PTPRM: variants seen among roughly 807,000 people sequenced by gnomAD.
The protein encoded by PTPRM is protein tyrosine phosphatase receptor type M.
In PTPRM, 47 loss-of-function variants were observed where a neutral mutation model predicts 186.7. That is an observed-to-expected ratio of 0.25 (90% CI 0.20 to 0.32). The LOEUF (loss-of-function observed/expected upper bound fraction) is 0.32. PTPRM is among the 10% of genes least tolerant of loss of function. PTPRM has a pLI of 1.00. For synonymous variants in PTPRM, 668 were observed against 674.9 expected (o/e 0.99, Z 0.16); for missense variants, 1,494 against 1,865.0 (o/e 0.80, Z 3.66).
At chr18:7,671,755 T>G (rs1454528912) in intron 1 of PTPRM, among the ~76,000 whole-genome samples, 1 of 152,150 alleles carries the variant, frequency 6.6e-6, no homozygotes, top group Non-Finnish European at 1.5e-5. Context: ...GCCAGAGTTT[T>G]TAAATTAAAA....
At chr18:8,028,369 T>A (rs2085710061) in intron 7 of PTPRM, among the ~76,000 whole-genome samples, 1 of 152,170 alleles carries the variant, frequency 6.6e-6, no homozygotes, top group Non-Finnish European at 1.5e-5. Flanking sequence ...GGTATGTAGA[T>A]CCCTAATCTG....
chr18:7,572,085 G>T (rs530572972), intron 1 of PTPRM, among the ~76,000 whole-genome samples: 2 of 152,266 alleles, frequency 1.3e-5, no homozygotes, highest in Non-Finnish European at 2.9e-5. Flanking sequence ...AATATGCTAA[G>T]AAATTACTAT....
intron 22 of PTPRM, among the ~76,000 whole-genome samples, chr18:8,342,001 G>A (rs936059115): frequency 6.6e-6 from 1 of 152,210 alleles, no homozygotes; most frequent in Non-Finnish European, 1.5e-5. Flanking sequence ...TAGATGCAGA[G>A]ACATCAGGAG....
intron 1 of PTPRM, among the ~76,000 whole-genome samples, chr18:7,691,659 CACTTTGGT>C (rs2039735617): frequency 6.6e-6 from 1 of 152,146 alleles, no homozygotes; most frequent in Non-Finnish European, 1.5e-5. Context: ...GTAATCCCAG[CACTTTGGT>C]ACTTTGGGAG....
At position 8,219,836 on chromosome 18, in the gene PTPRM, G is replaced by T. The variant is rs185543350; in HGVS notation, c.2301-24222G>T. On this transcript the variant is annotated intron_variant, in intron 14 of 32. Coordinates refer to ENST00000580170, the MANE Select transcript of PTPRM (RefSeq NM_001105244.2). The stretch of plus-strand genomic sequence containing the variant: ...TATGACCTGCTTAACAAAAGCAGTG[G>T]CTTGCAGGCATGACTTAACCCTTGC... Among the ~76,000 whole-genome samples the T allele has an allele frequency of 3.4e-3, 515 of 152,300 alleles. 2 individuals carry two copies. The highest frequency in any genetic ancestry group is 2.9e-3 in the Non-Finnish European group (200 of 68,028).
intron 1 of PTPRM, among the ~76,000 whole-genome samples, chr18:7,583,262 T>A (rs2036892343): frequency 6.6e-6 from 1 of 152,206 alleles, no homozygotes; most frequent in South Asian, 2.1e-4. Context: ...GCCACCTAGG[T>A]GCTAGGTCCT....
chr18:8,198,238 C>T (rs748551936), intron 14 of PTPRM, among the ~76,000 whole-genome samples: 3 of 152,126 alleles, frequency 2.0e-5, no homozygotes, highest in Non-Finnish European at 2.9e-5. Context: ...CCTCGACTTC[C>T]CAGGCCCAGG....
At chr18:8,151,409 G>A (rs2093002351) in intron 14 of PTPRM, among the ~76,000 whole-genome samples, 1 of 151,874 alleles carries the variant, frequency 6.6e-6, no homozygotes, top group African/African-American at 2.4e-5. Context: ...ACTTCTTGGT[G>A]GCTTTGTTTA....
At chr18:8,147,796 T>C (rs982013415) in intron 14 of PTPRM, among the ~76,000 whole-genome samples, 3 of 152,220 alleles carry the variant, frequency 2.0e-5, no homozygotes, top group Non-Finnish European at 1.5e-5. Context: ...CATAAATAGC[T>C]CTTATTATTT....
At chr18:7,776,429 A>G (rs2042583894) in intron 2 of PTPRM, among the ~76,000 whole-genome samples, 1 of 152,130 alleles carries the variant, frequency 6.6e-6, no homozygotes, top group African/African-American at 2.4e-5. Flanking sequence ...TGCAGCTCAG[A>G]TTTCTGAAAA....
intron 22 of PTPRM, among the ~76,000 whole-genome samples, chr18:8,325,755 C>G (rs1330448367): frequency 6.6e-6 from 1 of 152,050 alleles, no homozygotes; most frequent in East Asian, 1.9e-4. Context: ...AAATTTCCCA[C>G]ACTGCTTTCC....
chr18:7,838,644 AG>A (rs1374477964), intron 2 of PTPRM, among the ~76,000 whole-genome samples: 1 of 152,202 alleles, frequency 6.6e-6, no homozygotes, highest in East Asian at 1.9e-4. Context: ...GGTCTTTCCC[AG>A]GGCCTGTTGT....
intron 28 of PTPRM, 73 bp from the exon 29 acceptor site, chr18:8,380,223 G>T: frequency 1.3e-6 from 2 of 1,508,678 alleles, no homozygotes; most frequent in Non-Finnish European, 9.1e-7. Flanking sequence ...GCTTCCTTCT[G>T]CATGAAATAA....
At chr18:8,268,651 T>C (rs1421715555) in intron 19 of PTPRM, among the ~76,000 whole-genome samples, 1 of 152,012 alleles carries the variant, frequency 6.6e-6, no homozygotes, top group Admixed American at 6.6e-5. Flanking sequence ...ATATCCCCAG[T>C]GAATGTAGAT....
chr18:8,265,837 T>G (rs1301395656), intron 19 of PTPRM, among the ~76,000 whole-genome samples: 1 of 152,144 alleles, frequency 6.6e-6, no homozygotes, highest in Admixed American at 6.5e-5. Flanking sequence ...ACTCACAAAA[T>G]GTCTCTGATA....
At chr18:8,218,100 C>G (rs1277385619) in intron 14 of PTPRM, among the ~76,000 whole-genome samples, 3 of 152,138 alleles carry the variant, frequency 2.0e-5, no homozygotes, top group African/African-American at 7.2e-5. Flanking sequence ...GTATTAAAAA[C>G]TAAAAAGTTA....
chr18:7,648,657 G>A (rs1459385340), intron 1 of PTPRM, among the ~76,000 whole-genome samples: 1 of 152,204 alleles, frequency 6.6e-6, no homozygotes, highest in African/African-American at 2.4e-5. Context: ...CCAGACCAAG[G>A]CCCTAACTCT....
chr18:8,238,759 G>C lies in PTPRM; in HGVS notation c.2301-5299G>C, dbSNP rs188577463. Among the ~76,000 whole-genome samples, 655 of 149,470 alleles carry C rather than the reference G, an allele frequency of 4.4e-3. 3 individuals are homozygous for C. Among genetic ancestry groups the C allele is most frequent in the African/African-American group, 0.015 (616 of 40,798 alleles). On this transcript the variant is annotated intron_variant, in intron 14 of 32. Coordinates refer to ENST00000580170, the MANE Select transcript of PTPRM (RefSeq NM_001105244.2). ...CTTTAGTAACATGGTGTAAGGTGTG[G>C]GGGGAGGGGAGGCACTCTGTAGTCA...
At chr18:7,987,725 C>T (rs1320281445) in intron 7 of PTPRM, among the ~76,000 whole-genome samples, 1 of 152,106 alleles carries the variant, frequency 6.6e-6, no homozygotes, top group Non-Finnish European at 1.5e-5. Flanking sequence ...CATTAAATCA[C>T]ATCTAATTTT....
Sources: allele counts gnomAD v4.1 joint callset (sites outside exome capture counted in the v4.1 genomes callset), GRCh38; gene constraint gnomAD v4.1.1; transcripts MANE v1.5; gene names NCBI Gene and HGNC (gene_info 2026-07-23, HGNC 2026-07-21).